The following PRPH2 variants were observed in gnomAD, a reference collection of about 807,000 sequenced individuals.
The protein encoded by PRPH2 is peripherin 2.
In PRPH2, 17 loss-of-function variants were observed where a neutral mutation model predicts 31.3. The ratio of observed to expected loss-of-function variants is 0.54; its 90% confidence interval spans 0.37 to 0.81. PRPH2 has a LOEUF of 0.81. PRPH2 is among the 40% of genes least tolerant of loss of function. The probability of loss-of-function intolerance (pLI) is 0.00; values close to 1 mark genes in which losing one functional copy is unlikely to be tolerated. For missense variants in PRPH2, 430 were observed against 439.7 expected (o/e 0.98, Z 0.20); for synonymous variants, 165 against 184.4 (o/e 0.89, Z 0.85).
chr6:42,712,107 G>C (rs1449150716), intron 1 of PRPH2, among the ~76,000 whole-genome samples: 3 of 152,182 alleles, frequency 2.0e-5, no homozygotes, highest in African/African-American at 7.2e-5. Flanking sequence ...GGGGACAGAA[G>C]AACAAGTTAG....
chr6:42,721,615 C>G (rs551940413), intron 1 of PRPH2, 139 bp downstream of exon 1: 12 of 1,006,100 alleles, frequency 1.2e-5, no homozygotes, highest in Non-Finnish European at 1.9e-5. Flanking sequence ...CTGATACACC[C>G]TCACATACGC....
At chr6:42,715,660 G>T (rs142255849) in intron 1 of PRPH2, among the ~76,000 whole-genome samples, 2 of 152,142 alleles carry the variant, frequency 1.3e-5, no homozygotes, top group African/African-American at 4.8e-5. Flanking sequence ...GACAGAGTGA[G>T]ACTCCATTTC....
intron 1 of PRPH2, among the ~76,000 whole-genome samples, chr6:42,712,112 A>C (rs999844881): frequency 1.3e-5 from 2 of 152,228 alleles, no homozygotes; most frequent in Admixed American, 6.5e-5. Flanking sequence ...CAGAAGAACA[A>C]GTTAGACAAC....
intron 1 of PRPH2, among the ~76,000 whole-genome samples, chr6:42,717,962 T>TA (rs1413284504): frequency 6.6e-6 from 1 of 152,124 alleles, no homozygotes; most frequent in African/African-American, 2.4e-5. Context: ...GCCCAGAAGT[T>TA]AAAGACCAGC....
At chr6:42,720,908 A>C (rs1761891016) in intron 1 of PRPH2, among the ~76,000 whole-genome samples, 1 of 152,208 alleles carries the variant, frequency 6.6e-6, no homozygotes, top group Non-Finnish European at 1.5e-5. Context: ...TCCCTCCGAC[A>C]CAGTGGTCGA....
chr6:42,719,068 G>A (rs1431837436), intron 1 of PRPH2, among the ~76,000 whole-genome samples: 2 of 152,122 alleles, frequency 1.3e-5, no homozygotes, highest in Admixed American at 6.6e-5. Context: ...ACAGAGAGAA[G>A]CAAAATGCTC....
chr6:42,698,270 C>G lies in PRPH2; in HGVS notation c.*25G>C. The G allele has an allele frequency of 1.9e-6, 3 of 1,612,624 alleles. No homozygotes were observed. Among genetic ancestry groups the G allele is most frequent in the Non-Finnish European group, 2.5e-6 (3 of 1,179,674 alleles). Reference sequence around the variant, plus strand: ...TTGGAGTGCACTATTTCTCAGTGTTCGGGAGGGGAGGGGCCCCAGGGCCCT... The same window carrying G: ...TTGGAGTGCACTATTTCTCAGTGTTGGGGAGGGGAGGGGCCCCAGGGCCCT... On this transcript the variant is annotated 3_prime_UTR_variant, in exon 3 of 3. Transcript: ENST00000230381.
chr6:42,714,117 C>G (rs1445109429), intron 1 of PRPH2, among the ~76,000 whole-genome samples: 1 of 151,862 alleles, frequency 6.6e-6, no homozygotes, highest in Non-Finnish European at 1.5e-5. Context: ...GTGAAAAGAG[C>G]AGAATTAAAA....
chr6:42,722,554 T>C lies in PRPH2; in HGVS notation c.-220A>G. ...TCGGAATCACAGCTTGAGCAGGGGA[T>C]AGTCCTGGTCCTGGGCGTTGTTTCT... is the stretch of plus-strand genomic sequence containing the variant. On this transcript the variant is annotated 5_prime_UTR_variant, in exon 1 of 3. Transcript: ENST00000230381. The surrounding 1 kb of genome is among the most constrained non-coding windows in gnomAD (Gnocchi z 4.4). 11 of 1,432,324 alleles carry C rather than the reference T, an allele frequency of 7.7e-6. No homozygotes were observed. Among genetic ancestry groups the C allele is most frequent in the South Asian group, 1.5e-5 (1 of 68,626 alleles). The allele number at this position is 1,432,324 out of a possible 1,614,324, so 88.7% of individuals were successfully genotyped here. A position where few individuals can be genotyped will look rare whatever the true frequency, so the allele number is the denominator to read the frequency against.
chr6:42,716,921 TTTTTCTTTTCTTTTTTTC>T (rs1294853261), intron 1 of PRPH2, among the ~76,000 whole-genome samples: 1 of 30,926 alleles, frequency 3.2e-5, no homozygotes, highest in African/African-American at 1.1e-4. Flanking sequence ...CACCGGGCCT[TTTTTCTTTTCTTTTTTTC>T]TTTTCTTTTC....
Position 42,704,120 on chromosome 6 carries a change from A to T in PRPH2, c.828+245T>A, listed in dbSNP as rs186203988. Among the ~76,000 whole-genome samples the T allele has an allele frequency of 6.7e-4, 91 of 136,220 alleles. 1 individual carries two copies. In the East Asian group the frequency reaches 0.011, roughly 17 times the overall value. 89.4% of individuals were successfully genotyped at this position (136,220 alleles called of 152,430 possible). On this transcript the variant is annotated intron_variant, in intron 2 of 2. Transcript: ENST00000230381. ...GCCTCAAAATAAAAAAAAAATAAAA[A>T]AAATAAATTTAAGTGGTGGGAAAGA... is the stretch of plus-strand genomic sequence containing the variant.
intron 1 of PRPH2, among the ~76,000 whole-genome samples, chr6:42,720,518 A>C (rs1761883696): frequency 6.6e-6 from 1 of 152,162 alleles, no homozygotes; most frequent in Admixed American, 6.6e-5. Flanking sequence ...TTGCAGCAGT[A>C]ATCTCCATCC....
chr6:42,706,129 G>A (rs1800159283), intron 1 of PRPH2, among the ~76,000 whole-genome samples: 2 of 151,730 alleles, frequency 1.3e-5, no homozygotes, highest in African/African-American at 2.4e-5. Flanking sequence ...ATACAGGCCG[G>A]GCACGGTGGC....
At chr6:42,706,640 G>A (rs976845149) in intron 1 of PRPH2, among the ~76,000 whole-genome samples, 19 of 151,836 alleles carry the variant, frequency 1.3e-4, no homozygotes, top group African/African-American at 4.6e-4. Flanking sequence ...CGAAGAATGC[G>A]TTACATAATA....
rs950303632 is a variant in PRPH2, at chr6:42,722,011, G to A, written c.324C>T (p.Phe108=). The change falls in exon 1 of 3, where the codon TTC becomes TTT. Residue 108 remains phenylalanine (F), a synonymous_variant. Coordinates refer to ENST00000230381, the MANE Select transcript of PRPH2 (RefSeq NM_000322.5). This position sits in a 1 kb window ranked among gnomAD's most constrained non-coding sequence, Gnocchi z 4.4. ...LKPYLAICVL[F]NIILFLVALC... ...GAGCCACAAGGAAGAGGATGATGTT[G>A]AAGAGAACACAGATAGCCAGGTACG... 2 of 1,614,016 alleles carry A rather than the reference G, an allele frequency of 1.2e-6. No homozygotes were observed. Among genetic ancestry groups the A allele is most frequent in the Non-Finnish European group, 1.7e-6 (2 of 1,180,028 alleles).
rs1022176261 is a variant in PRPH2, at chr6:42,713,930, A to G, written c.581+7824T>C. 6.5e-3 allele frequency among the ~76,000 whole-genome samples: 963 copies of G among 147,538 alleles called. 6 individuals are homozygous for G. The highest frequency in any genetic ancestry group is 0.022 in the African/African-American group (857 of 38,722). ...GCAAGACTCCATCTCAAAAAAAAAA[A>G]AAAAAAAAAAAAAAAAAGACAGGGA... On this transcript the variant is annotated intron_variant, in intron 1 of 2. Transcript: ENST00000230381.
At chr6:42,713,730 G>A (rs1158075634) in intron 1 of PRPH2, among the ~76,000 whole-genome samples, 1 of 151,814 alleles carries the variant, frequency 6.6e-6, no homozygotes, top group East Asian at 1.9e-4. Flanking sequence ...AGACCAGCCT[G>A]GCCAACATGG....
chr6:42,719,624 G>T (rs2152010201), intron 1 of PRPH2, among the ~76,000 whole-genome samples: 1 of 139,246 alleles, frequency 7.2e-6, no homozygotes, highest in East Asian at 2.2e-4. Flanking sequence ...AGGCTGGAGT[G>T]CAATGGCGAG....
chr6:42,717,565 A>G (rs2152009504), intron 1 of PRPH2, among the ~76,000 whole-genome samples: 1 of 152,304 alleles, frequency 6.6e-6, no homozygotes, highest in South Asian at 2.1e-4. Context: ...CAAAAAATAA[A>G]TAAATATAAC....
Sources: allele counts gnomAD v4.1 joint callset (sites outside exome capture counted in the v4.1 genomes callset), GRCh38; gene constraint gnomAD v4.1.1; non-coding constraint Gnocchi (gnomAD v3.1); transcripts MANE v1.5; gene names NCBI Gene and HGNC (gene_info 2026-07-23, HGNC 2026-07-21).